Variants in ATRN observed in about 807,000 individuals in gnomAD.
The protein encoded by ATRN is attractin.
Under a neutral mutation model 178.7 loss-of-function variants are expected in ATRN, and 54 were observed. The observed-to-expected ratio is 0.30, with a 90% CI of 0.24 to 0.38. The LOEUF is 0.38. Ranked by LOEUF, ATRN falls within the 10% of genes least tolerant of loss-of-function variation. The pLI is 1.00. For synonymous variants in ATRN, 636 were observed against 663.0 expected (o/e 0.96, Z 0.63); for missense variants, 1,443 against 1,815.1 (o/e 0.79, Z 3.73).
intron 1 of ATRN, among the ~76,000 whole-genome samples, chr20:3,511,723 C>A (rs1299283484): frequency 6.6e-6 from 1 of 152,040 alleles, no homozygotes; most frequent in African/African-American, 2.4e-5. Context: ...TCACACAGAT[C>A]AACAACGAAG....
chr20:3,568,218 G>A (rs1057097271), intron 11 of ATRN, among the ~76,000 whole-genome samples: 2 of 151,976 alleles, frequency 1.3e-5, no homozygotes, highest in Non-Finnish European at 2.9e-5. Flanking sequence ...GTGAACCCCA[G>A]GAGGTGGAGC....
intron 1 of ATRN, among the ~76,000 whole-genome samples, chr20:3,487,825 AT>A (rs914066079): frequency 1.3e-5 from 2 of 151,982 alleles, no homozygotes; most frequent in African/African-American, 4.8e-5. Flanking sequence ...ATTGGGAGGG[AT>A]TTTCCCCTGC....
At chr20:3,523,591 G>C (rs996187840) in intron 1 of ATRN, among the ~76,000 whole-genome samples, 68 of 152,100 alleles carry the variant, frequency 4.5e-4, no homozygotes, top group Non-Finnish European at 1.5e-4. Context: ...TCCTTGAGAA[G>C]AGCAACCCCA....
Position 3,517,097 on chromosome 20 carries a change from C to G in ATRN, c.411-18156C>G, listed in dbSNP as rs140773184. ...ACAACGGTTGAACTAATTTACACTC[C>G]CAACAGTGTAAAAGCGTTCCTATTT... On this transcript the variant is annotated intron_variant, in intron 1 of 28. Coordinates refer to ENST00000262919, the MANE Select transcript of ATRN (RefSeq NM_139321.3). 3.8e-3 allele frequency among the ~76,000 whole-genome samples: 578 copies of G among 152,272 alleles called. 2 individuals are homozygous for G. The highest frequency in any genetic ancestry group is 0.012 in the African/African-American group (507 of 41,548).
intron 18 of ATRN, among the ~76,000 whole-genome samples, chr20:3,590,162 G>A (rs898892757): frequency 6.6e-6 from 1 of 152,160 alleles, no homozygotes; most frequent in African/African-American, 2.4e-5. Flanking sequence ...TGTTGGCCAG[G>A]CTGATCTCGA....
At chr20:3,484,909 A>AATTATTATTATTATT (rs11470490) in intron 1 of ATRN, among the ~76,000 whole-genome samples, 13 of 143,984 alleles carry the variant, frequency 9.0e-5, no homozygotes, top group African/African-American at 3.3e-4. Flanking sequence ...TGGATTTTAA[A>AATTATTATTATTATT]ATTATTATTA....
chr20:3,489,945 A>T lies in ATRN; in HGVS notation c.410+18428A>T, dbSNP rs2084762454. 19 of 1,100,738 alleles carry T rather than the reference A, an allele frequency of 1.7e-5. No individual in the cohort carries two copies. In the East Asian group the frequency reaches 4.0e-4, roughly 23 times the overall value. The allele number at this position is 1,100,738 out of a possible 1,614,324, so 68.2% of individuals were successfully genotyped here. A position where few individuals can be genotyped will look rare whatever the true frequency, so the allele number is the denominator to read the frequency against. ...TTCATCTTCACTCTCACTCTTACTGATCTGCTCTTCTTGCTCTTCTCCTGT... is the reference window on the plus strand; with the variant it reads ...TTCATCTTCACTCTCACTCTTACTGTTCTGCTCTTCTTGCTCTTCTCCTGT... On this transcript the variant is annotated intron_variant, in intron 1 of 28. Coordinates refer to ENST00000262919, the MANE Select transcript of ATRN (RefSeq NM_139321.3).
chr20:3,473,572 T>C (rs1308288556), intron 1 of ATRN, among the ~76,000 whole-genome samples: 1 of 152,196 alleles, frequency 6.6e-6, no homozygotes, highest in Non-Finnish European at 1.5e-5. Context: ...TTCATGACAT[T>C]ATAGGCTTTT....
intron 1 of ATRN, among the ~76,000 whole-genome samples, chr20:3,482,342 G>A (rs1411470376): frequency 6.6e-6 from 1 of 150,970 alleles, no homozygotes; most frequent in Non-Finnish European, 1.5e-5. Flanking sequence ...ACTGTGTTTT[G>A]TGCTATTAAA....
At chr20:3,548,806 G>A (rs919390345) in intron 5 of ATRN, among the ~76,000 whole-genome samples, 1 of 151,996 alleles carries the variant, frequency 6.6e-6, no homozygotes, top group Non-Finnish European at 1.5e-5. Context: ...TGGTACCAAG[G>A]GCATCCTGGA....
intron 21 of ATRN, among the ~76,000 whole-genome samples, chr20:3,596,690 A>G (rs560061870): frequency 7.3e-6 from 1 of 136,238 alleles, no homozygotes; most frequent in South Asian, 2.8e-4. Flanking sequence ...ATCTTTGTCT[A>G]TCCACATTTA....
At chr20:3,614,298 G>A (rs950240591) in intron 24 of ATRN, among the ~76,000 whole-genome samples, 4 of 152,180 alleles carry the variant, frequency 2.6e-5, no homozygotes, top group Non-Finnish European at 5.9e-5. Context: ...GTTTGGGGGC[G>A]TGGGCGGTAG....
intron 1 of ATRN, among the ~76,000 whole-genome samples, chr20:3,519,719 T>C (rs1417002418): frequency 6.6e-6 from 1 of 151,906 alleles, no homozygotes; most frequent in African/African-American, 2.4e-5. Context: ...ACTATCTGTA[T>C]CTCCACAACT....
Position 3,632,316 on chromosome 20 carries a change from ACT to A in ATRN, c.3864-1992_3864-1991del, listed in dbSNP as rs766466106. Among the ~76,000 whole-genome samples the A allele has an allele frequency of 3.3e-5, 5 of 151,988 alleles. No individual in the cohort carries two copies. Among genetic ancestry groups the A allele is most frequent in the East Asian group, 1.9e-4 (1 of 5,164 alleles). ...TTCTCAGCAAACGTTAAATCACAAC[ACT>A]CTGTTTAAAAACCTGCACTGGCTCT... On this transcript the variant is annotated intron_variant, in intron 25 of 28. Coordinates refer to ENST00000262919, the MANE Select transcript of ATRN (RefSeq NM_139321.3). The surrounding 1 kb of genome is among the most constrained non-coding windows in gnomAD (Gnocchi z 4.2).
chr20:3,561,004 T>A lies in ATRN; in HGVS notation c.1447+99T>A, dbSNP rs951783529. 39 of 1,413,132 alleles carry A rather than the reference T, an allele frequency of 2.8e-5. No individual in the cohort carries two copies. The Admixed American group carries it at 6.7e-4, about 24-fold the overall frequency. The allele number at this position is 1,413,132 out of a possible 1,614,324, so 87.5% of individuals were successfully genotyped here. A position where few individuals can be genotyped will look rare whatever the true frequency, so the allele number is the denominator to read the frequency against. On this transcript the variant is annotated intron_variant, in intron 8 of 28. Coordinates refer to ENST00000262919, the MANE Select transcript of ATRN (RefSeq NM_139321.3). Reference sequence around the variant, plus strand: ...TTAGAAAAGTTCAACCTAATCTTGATTCGGTACTTTATCTTGAAACATAGT... The same window carrying A: ...TTAGAAAAGTTCAACCTAATCTTGAATCGGTACTTTATCTTGAAACATAGT...
intron 1 of ATRN, among the ~76,000 whole-genome samples, chr20:3,504,173 A>G (rs2085003452): frequency 6.6e-6 from 1 of 152,190 alleles, no homozygotes; most frequent in African/African-American, 2.4e-5. Context: ...GAATTTCTGT[A>G]TCTGGTGAAA....
rs546178674 is a variant in ATRN, at chr20:3,547,837, A to G, written c.943+348A>G. Among the ~76,000 whole-genome samples, 7 of 152,300 alleles carry G rather than the reference A, an allele frequency of 4.6e-5. No individual in the cohort carries two copies. In the East Asian group the frequency reaches 1.2e-3, roughly 25 times the overall value. On this transcript the variant is annotated intron_variant, in intron 5 of 28. Transcript: ENST00000262919. ...CCTCAGAAACACACTCTAAGTTCAG[A>G]GAAAATTGGTGTCAGTTATACATTA...
At chr20:3,619,647 T>C (rs542451123) in intron 24 of ATRN, among the ~76,000 whole-genome samples, 4 of 152,220 alleles carry the variant, frequency 2.6e-5, no homozygotes, top group African/African-American at 9.6e-5. Flanking sequence ...AATGCCATGC[T>C]TCCATATTTT....
chr20:3,519,330 T>C (rs1424740306), intron 1 of ATRN, among the ~76,000 whole-genome samples: 2 of 145,100 alleles, frequency 1.4e-5, no homozygotes, highest in African/African-American at 4.8e-5. Context: ...AATACATCCA[T>C]GTGAGACTGG....
Sources: gnomAD v4.1 joint callset for allele counts (sites outside exome capture counted in the v4.1 genomes callset) on GRCh38, gnomAD v4.1.1 for gene constraint, Gnocchi (gnomAD v3.1) non-coding constraint, MANE v1.5 for transcripts, NCBI Gene and HGNC (gene_info 2026-07-23, HGNC 2026-07-21) for gene names.